Variants in RCN2 observed in about 807,000 individuals in gnomAD.
The protein encoded by RCN2 is reticulocalbin-2.
RCN2 carries 23 observed loss-of-function variants against 37.5 expected under a neutral mutation model. The observed-to-expected ratio is 0.61, with a 90% CI of 0.44 to 0.87. RCN2 has a LOEUF of 0.87. Ranked by LOEUF, RCN2 falls within the 40% of genes least tolerant of loss-of-function variation. The probability of loss-of-function intolerance (pLI) is 0.00; values close to 1 mark genes in which losing one functional copy is unlikely to be tolerated. For missense variants in RCN2, 381 were observed against 390.4 expected (o/e 0.98, Z 0.20); for synonymous variants, 140 against 144.6 (o/e 0.97, Z 0.23).
intron 5 of RCN2, 65 bp downstream of exon 5, chr15:76,947,582 T>A: frequency 9.6e-7 from 1 of 1,039,744 alleles, no homozygotes; most frequent in African/African-American, 1.6e-5. Flanking sequence ...AAGACAGCCT[T>A]GCTCATTGAA....
At chr15:76,935,324 C>CA (rs1390700876) in intron 2 of RCN2, among the ~76,000 whole-genome samples, 4 of 151,140 alleles carry the variant, frequency 2.6e-5, no homozygotes, top group East Asian at 1.9e-4. Context: ...GACTCCATCT[C>CA]AAAAAAAAAT....
rs2075311195 is a variant in RCN2, at chr15:76,949,637, A to G, written c.*415A>G. 2 of 153,216 alleles carry G rather than the reference A, an allele frequency of 1.3e-5. No individual in the cohort carries two copies. The highest frequency in any genetic ancestry group is 4.8e-5 in the African/African-American group (2 of 41,570). The allele number at this position is 153,216 out of a possible 1,614,324, so 9.5% of individuals were successfully genotyped here. ...ATTTAATTTGGGAACTGACAGGACAATGTTTTTAGGTTTAGCATTTTGTTT... is the reference window on the plus strand; with the variant it reads ...ATTTAATTTGGGAACTGACAGGACAGTGTTTTTAGGTTTAGCATTTTGTTT... On this transcript the variant is annotated 3_prime_UTR_variant, in exon 7 of 7. Transcript: ENST00000394885.
At chr15:76,944,464 T>C (rs1283012764) in intron 4 of RCN2, among the ~76,000 whole-genome samples, 1 of 152,174 alleles carries the variant, frequency 6.6e-6, no homozygotes, top group Non-Finnish European at 1.5e-5. Context: ...AAATAATAGA[T>C]CTTATTCATT....
In RCN2 at chr15:76,954,115, A is replaced by G. The variant is rs1229288644; in HGVS notation, c.*4893A>G. 11 of 133,590 alleles carry G rather than the reference A, an allele frequency of 8.2e-5. No individual in the cohort carries two copies. The highest frequency in any genetic ancestry group is 1.3e-4 in the Non-Finnish European group (8 of 63,830). The allele number at this position is 133,590 out of a possible 1,614,324, so 8.3% of individuals were successfully genotyped here. Reference sequence around the variant, plus strand: ...GACGTGGTATCTCGTTGTGGCTTTGATTTGCATTTCCCTAATGGTCTGTCT... The same window carrying G: ...GACGTGGTATCTCGTTGTGGCTTTGGTTTGCATTTCCCTAATGGTCTGTCT... On this transcript the variant is annotated 3_prime_UTR_variant, in exon 7 of 7. Transcript: ENST00000394885.
intron 4 of RCN2, among the ~76,000 whole-genome samples, chr15:76,947,070 AGAGG>A (rs898549717): frequency 6.6e-6 from 1 of 152,208 alleles, no homozygotes; most frequent in African/African-American, 2.4e-5. Flanking sequence ...GCTTTTCTTG[AGAGG>A]GAGAGATGTG....
At chr15:76,939,844 C>G (rs1196987105) in intron 3 of RCN2, among the ~76,000 whole-genome samples, 2 of 152,082 alleles carry the variant, frequency 1.3e-5, no homozygotes, top group African/African-American at 4.8e-5. Context: ...ATAAGAAGTG[C>G]ATGTTCCTGT....
intron 3 of RCN2, chr15:76,941,732 T>C (rs747004968): frequency 9.3e-7 from 1 of 1,077,822 alleles, no homozygotes; most frequent in South Asian, 2.1e-5. Flanking sequence ...GGCCGTGAAA[T>C]GTGAACCAGA....
At chr15:76,937,834 A>G (rs967864679) in intron 3 of RCN2, among the ~76,000 whole-genome samples, 2 of 152,206 alleles carry the variant, frequency 1.3e-5, no homozygotes, top group African/African-American at 4.8e-5. Context: ...GGAATTAGGA[A>G]CTTTTTAACA....
At chr15:76,946,225 G>A (rs2075296111) in intron 4 of RCN2, among the ~76,000 whole-genome samples, 1 of 152,172 alleles carries the variant, frequency 6.6e-6, no homozygotes, top group Non-Finnish European at 1.5e-5. Flanking sequence ...GGAGGCCAAG[G>A]CAGGAGGACA....
intron 1 of RCN2, 142 bp from the exon 2 acceptor site, chr15:76,932,218 AG>A: frequency 1.4e-6 from 1 of 737,882 alleles, no homozygotes; most frequent in South Asian, 1.7e-5. Flanking sequence ...GAGGGTGTGT[AG>A]GGGGTAGGGG....
At chr15:76,935,501 G>C in intron 2 of RCN2, 25 bp from the exon 3 acceptor site, 2 of 1,571,830 alleles carry the variant, frequency 1.3e-6, no homozygotes, top group Non-Finnish European at 1.7e-6. Context: ...CGTCACATGC[G>C]TTGTGTTCTG....
intron 4 of RCN2, 112 bp downstream of exon 4, chr15:76,943,983 A>AC: frequency 4.1e-6 from 1 of 245,416 alleles, no homozygotes; most frequent in Non-Finnish European, 7.4e-6. Flanking sequence ...GATACATGAG[A>AC]CTTTTTTTTT....
intron 2 of RCN2, among the ~76,000 whole-genome samples, chr15:76,934,031 C>T (rs1180004108): frequency 2.0e-5 from 3 of 152,194 alleles, no homozygotes; most frequent in Non-Finnish European, 4.4e-5. Context: ...TTAGAGGCAA[C>T]ATGTACAGAG....
intron 3 of RCN2, chr15:76,938,611 C>T: frequency 2.4e-6 from 1 of 413,858 alleles, no homozygotes; most frequent in Admixed American, 2.5e-5. Context: ...ACACCCCATT[C>T]CCTCCTTGGT....
At chr15:76,938,981 G>A (rs368518179) in intron 3 of RCN2, among the ~76,000 whole-genome samples, 1 of 152,180 alleles carries the variant, frequency 6.6e-6, no homozygotes, top group Non-Finnish European at 1.5e-5. Flanking sequence ...ACTGGGCAAT[G>A]TGGCAAGACC....
intron 1 of RCN2, 78 bp downstream of exon 1, chr15:76,932,063 G>T (rs2075225537): frequency 8.2e-7 from 1 of 1,224,298 alleles, no homozygotes; most frequent in Non-Finnish European, 1.0e-6. Flanking sequence ...GGACAAAGGG[G>T]GGCGGCCGGG....
chr15:76,941,616 T>A lies in RCN2; in HGVS notation c.448-2142T>A, dbSNP rs951629206. On this transcript the variant is annotated intron_variant, in intron 3 of 6. Transcript: ENST00000394885. ...TGTTGAAGTTTTATGAAACTGACCA[T>A]CTTTTTTGTTATTTTTTTAGGAATT... is the stretch of plus-strand genomic sequence containing the variant. 9.2e-6 allele frequency: 13 copies of A among 1,411,856 alleles called. No individual in the cohort carries two copies. The African/African-American group carries it at 1.5e-4, about 16-fold the overall frequency. 87.5% of individuals were successfully genotyped at this position (1,411,856 alleles called of 1,614,324 possible). A position where few individuals can be genotyped will look rare whatever the true frequency, so the allele number is the denominator to read the frequency against.
Position 76,931,861 on chromosome 15 carries a change from C to A in RCN2, c.20C>A (p.Thr7Asn), listed in dbSNP as rs1309013938. The part of the protein sequence containing the change: MRLGPR[T>N]AALGLLLLCA... The stretch of plus-strand genomic sequence containing the variant: ...GGCGCGATGCGGCTGGGCCCGAGGA[C>A]CGCGGCGTTGGGGCTGCTGCTGCTG... The change falls in exon 1 of 7, where the codon ACC (threonine) becomes AAC (asparagine). Residue 7 changes from threonine to asparagine, a missense_variant. Thr to Asn is a moderately conservative substitution (Grantham distance 65). Coordinates refer to ENST00000394885, the MANE Select transcript of RCN2 (RefSeq NM_002902.3). 2.3e-6 allele frequency: 3 copies of A among 1,280,140 alleles called. No homozygotes were observed. Among genetic ancestry groups the A allele is most frequent in the African/African-American group, 3.1e-5 (2 of 63,824 alleles). The allele number at this position is 1,280,140 out of a possible 1,614,324, so 79.3% of individuals were successfully genotyped here.
At chr15:76,941,790 G>A in intron 3 of RCN2, 1 of 591,394 alleles carries the variant, frequency 1.7e-6, no homozygotes, top group Non-Finnish European at 2.7e-6. Context: ...ATCTCAGCTT[G>A]TTGAAAGAGA....
Sources: allele counts gnomAD v4.1 joint callset (sites outside exome capture counted in the v4.1 genomes callset), GRCh38; gene constraint gnomAD v4.1.1; transcripts MANE v1.5; gene names NCBI Gene and HGNC (gene_info 2026-07-23, HGNC 2026-07-21).